The following GFRAL variants were observed in gnomAD, a reference collection of about 807,000 sequenced individuals.
GFRAL encodes the protein GDNF family receptor alpha-like.
Under a neutral mutation model 45.4 loss-of-function variants are expected in GFRAL, and 36 were observed. That is an observed-to-expected ratio of 0.79 (90% CI 0.61 to 1.05). GFRAL has a LOEUF of 1.05. GFRAL is among the 50% of genes least tolerant of loss of function. The probability of loss-of-function intolerance (pLI) is 0.00; values close to 1 mark genes in which losing one functional copy is unlikely to be tolerated. For synonymous variants in GFRAL, 166 were observed against 154.1 expected, an observed-to-expected ratio of 1.08 and a Z score of -0.57; for missense variants, 507 against 467.5, an observed-to-expected ratio of 1.08 and a Z score of -0.78.
Position 55,401,944 on chromosome 6 carries a change from C to A in GFRAL, c.*91C>A. Reference sequence around the variant, plus strand: ...TCTCTCCTCTCCTCTCCTCTCTTCTCCTCTCCTCCCCTCCCCTCTCTGTTT... The same window carrying A: ...TCTCTCCTCTCCTCTCCTCTCTTCTACTCTCCTCCCCTCCCCTCTCTGTTT... On this transcript the variant is annotated 3_prime_UTR_variant, in exon 9 of 9. Transcript: ENST00000340465. The A allele has an allele frequency of 1.4e-6, 1 of 702,894 alleles. No individual in the cohort carries two copies. Among genetic ancestry groups the A allele is most frequent in the South Asian group, 1.7e-5 (1 of 57,408 alleles). The allele number at this position is 702,894 out of a possible 1,614,324, so 43.5% of individuals were successfully genotyped here.
chr6:55,352,994 T>C (rs1180852421), intron 5 of GFRAL, among the ~76,000 whole-genome samples: 2 of 151,974 alleles, frequency 1.3e-5, no homozygotes, highest in Non-Finnish European at 2.9e-5. Context: ...AGGCAAACAG[T>C]AGATACTGAG....
chr6:55,345,815 C>T (rs1190910754), intron 3 of GFRAL, among the ~76,000 whole-genome samples: 1 of 152,048 alleles, frequency 6.6e-6, no homozygotes, highest in Non-Finnish European at 1.5e-5. Context: ...GGGTACTACC[C>T]AGAATCTACA....
intron 6 of GFRAL, among the ~76,000 whole-genome samples, chr6:55,386,472 G>A (rs1166461327): frequency 6.6e-6 from 1 of 152,014 alleles, no homozygotes; most frequent in Non-Finnish European, 1.5e-5. Flanking sequence ...CGTGTCTGTT[G>A]GCTATGTTTT....
chr6:55,391,045 T>C (rs1045714389), intron 6 of GFRAL, among the ~76,000 whole-genome samples: 6 of 152,110 alleles, frequency 3.9e-5, no homozygotes, highest in Admixed American at 6.6e-5. Context: ...CCTTTTTATA[T>C]AGGGGAAACA....
intron 6 of GFRAL, among the ~76,000 whole-genome samples, chr6:55,366,644 T>C (rs1581914771): frequency 8.2e-6 from 1 of 121,462 alleles, no homozygotes. Context: ...TGTTGTGTCT[T>C]TGTTCTGGTT....
At chr6:55,337,243 T>C (rs1485555654) in intron 3 of GFRAL, among the ~76,000 whole-genome samples, 2 of 152,152 alleles carry the variant, frequency 1.3e-5, no homozygotes, top group East Asian at 3.9e-4. Context: ...TTTACTGTTG[T>C]TCCAGCCCTT....
At chr6:55,379,673 C>T (rs1768581373) in intron 6 of GFRAL, among the ~76,000 whole-genome samples, 1 of 151,796 alleles carries the variant, frequency 6.6e-6, no homozygotes. Flanking sequence ...GGTGAGAACA[C>T]TTTGCATTCA....
intron 6 of GFRAL, among the ~76,000 whole-genome samples, chr6:55,368,488 A>G (rs1273198550): frequency 2.0e-5 from 3 of 152,044 alleles, no homozygotes; most frequent in South Asian, 2.1e-4. Context: ...CTGGTGAGGA[A>G]CTGCGTTCCT....
At chr6:55,384,844 A>G (rs1768658241) in intron 6 of GFRAL, among the ~76,000 whole-genome samples, 1 of 139,980 alleles carries the variant, frequency 7.1e-6, no homozygotes, top group African/African-American at 2.7e-5. Context: ...AGATTTTCCT[A>G]GATTTCTCCA....
intron 3 of GFRAL, among the ~76,000 whole-genome samples, chr6:55,348,318 A>T (rs1313578824): frequency 6.6e-6 from 1 of 152,058 alleles, no homozygotes; most frequent in Non-Finnish European, 1.5e-5. Context: ...CAAAATTAGC[A>T]TTTAATGTAT....
intron 6 of GFRAL, among the ~76,000 whole-genome samples, chr6:55,363,982 T>G (rs1189160285): frequency 6.1e-5 from 9 of 147,360 alleles, no homozygotes; most frequent in African/African-American, 2.3e-4. Context: ...CAAATGGTAT[T>G]TCCAGTTCTA....
In GFRAL at chr6:55,351,258, A is replaced by G. The variant is rs755216350; in HGVS notation, c.376A>G (p.Lys126Glu). Residue 126 changes from lysine to glutamate, a missense_variant, in exon 5 of 9, where the codon AAA becomes GAA. Transcript: ENST00000340465. ...GGGCATATCATTGCTTTCAGGATTC[A>G]AAGGGATGTGGTCCTGTTTGGAAGT... ...NLTTRSHHGF[K>E]GMWSCLEVAE... 6.3e-7 allele frequency: 1 copy of G among 1,581,324 alleles called. No individual in the cohort carries two copies. Among genetic ancestry groups the G allele is most frequent in the South Asian group, 1.2e-5 (1 of 86,882 alleles).
intron 5 of GFRAL, among the ~76,000 whole-genome samples, chr6:55,353,806 A>G (rs1768150900): frequency 1.3e-5 from 2 of 152,086 alleles, no homozygotes; most frequent in South Asian, 4.1e-4. Flanking sequence ...TTGTTGTTGT[A>G]CATAAAATAA....
At position 55,358,876 on chromosome 6, in the gene GFRAL, C is replaced by G; in HGVS notation, c.702-12C>G. On this transcript the variant is annotated splice_polypyrimidine_tract_variant and intron_variant, in intron 5 of 8. Transcript: ENST00000340465. The stretch of plus-strand genomic sequence containing the variant: ...ATTCAAAACTAATTATTTTTCTTCA[C>G]TCTTTCTCTAGGAGGCACTATAGAA... 6.2e-7 allele frequency: 1 copy of G among 1,608,984 alleles called. No individual in the cohort carries two copies. The highest frequency in any genetic ancestry group is 8.5e-7 in the Non-Finnish European group (1 of 1,176,656).
At position 55,402,222 on chromosome 6, in the gene GFRAL, C is replaced by G. The variant is rs1768909621; in HGVS notation, c.*369C>G. ...CTCAAACTCCTGACCTCAGGTGATC[C>G]ACCCACCTCGGCCTCCCAAAGTGCT... is the stretch of plus-strand genomic sequence containing the variant. On this transcript the variant is annotated 3_prime_UTR_variant, in exon 9 of 9. Transcript: ENST00000340465. 6.2e-6 allele frequency: 1 copy of G among 162,468 alleles called. No individual in the cohort carries two copies. The highest frequency in any genetic ancestry group is 2.5e-5 in the African/African-American group (1 of 40,432). 10.1% of individuals were successfully genotyped at this position (162,468 alleles called of 1,614,324 possible). A position where few individuals can be genotyped will look rare whatever the true frequency, so the allele number is the denominator to read the frequency against.
Position 55,350,954 on chromosome 6 carries a change from G to A in GFRAL, c.371-299G>A, listed in dbSNP as rs148320392. On this transcript the variant is annotated intron_variant, in intron 4 of 8. Transcript: ENST00000340465. ...CAAATGCAATTTCTGAAGATTTATC[G>A]TTTACATTTGAAAACCTTGGACTGG... 4.6e-5 allele frequency among the ~76,000 whole-genome samples: 7 copies of A among 152,098 alleles called. No homozygotes were observed. In the East Asian group the frequency reaches 9.7e-4, roughly 21 times the overall value.
chr6:55,334,834 A>T (rs1297680209), intron 3 of GFRAL, among the ~76,000 whole-genome samples: 1 of 152,202 alleles, frequency 6.6e-6, no homozygotes, highest in Non-Finnish European at 1.5e-5. Context: ...AACATAATAC[A>T]TTAGAGATTC....
At chr6:55,400,221 C>T (rs1332291495) in intron 8 of GFRAL, among the ~76,000 whole-genome samples, 1 of 152,064 alleles carries the variant, frequency 6.6e-6, no homozygotes, top group Non-Finnish European at 1.5e-5. Flanking sequence ...GGGTACATGT[C>T]TATAAAATTT....
chr6:55,364,760 G>A (rs932073899), intron 6 of GFRAL, among the ~76,000 whole-genome samples: 6 of 151,722 alleles, frequency 4.0e-5, no homozygotes, highest in South Asian at 4.2e-4. Context: ...GATATGCGGC[G>A]TGATTTCTGA....
Sources: allele counts gnomAD v4.1 joint callset (sites outside exome capture counted in the v4.1 genomes callset), GRCh38; gene constraint gnomAD v4.1.1; transcripts MANE v1.5; gene names NCBI Gene and HGNC (gene_info 2026-07-23, HGNC 2026-07-21).